The following C19orf18 variants were observed in gnomAD, a reference collection of about 807,000 sequenced individuals.
The protein encoded by C19orf18 is chromosome 19 open reading frame 18, also known as uncharacterized protein C19orf18.
C19orf18 carries 21 observed loss-of-function variants against 23.3 expected under a neutral mutation model. The ratio of observed to expected loss-of-function variants is 0.90; its 90% CI spans 0.64 to 1.30. C19orf18 has a LOEUF of 1.30. C19orf18 is among the 50% of genes most tolerant of loss of function. The probability of loss-of-function intolerance (pLI) is 0.00; values close to 1 mark genes in which losing one functional copy is unlikely to be tolerated. For missense variants in C19orf18, 249 were observed against 259.6 expected (o/e 0.96, Z 0.28); for synonymous variants, 96 against 95.2 (o/e 1.01, Z -0.05).
At chr19:57,963,351 T>C (rs1209710526) in intron 4 of C19orf18, among the ~76,000 whole-genome samples, 1 of 151,500 alleles carries the variant, frequency 6.6e-6, no homozygotes, top group Non-Finnish European at 1.5e-5. Flanking sequence ...TTTTTAAAAA[T>C]TGAAATGAAG....
intron 5 of C19orf18, among the ~76,000 whole-genome samples, chr19:57,960,262 TAAAAATACA>T (rs895713095): frequency 1.9e-4 from 29 of 150,682 alleles, no homozygotes; most frequent in African/African-American, 6.6e-4. Flanking sequence ...CCGTCTCTAC[TAAAAATACA>T]AAAAGTTAGC....
At position 57,968,975 on chromosome 19, in the gene C19orf18, C is replaced by T. The variant is rs144460908; in HGVS notation, c.269-2343G>A. 8.5e-3 allele frequency among the ~76,000 whole-genome samples: 1,291 copies of T among 152,250 alleles called. 16 individuals carry two copies. Among genetic ancestry groups the T allele is most frequent in the African/African-American group, 0.029 (1,195 of 41,530 alleles). Reference sequence around the variant, plus strand: ...CAAATACTGGACAACTAGAAACCATCCCTATGATTTACCAAAACTATTCAA... The same window carrying T: ...CAAATACTGGACAACTAGAAACCATTCCTATGATTTACCAAAACTATTCAA... On this transcript the variant is annotated intron_variant, in intron 3 of 5. Coordinates refer to ENST00000314391, the MANE Select transcript of C19orf18 (RefSeq NM_152474.5).
chr19:57,969,581 A>AAAAAAAAAAAAAAAAC (rs2072931370), intron 3 of C19orf18, among the ~76,000 whole-genome samples: 3 of 148,012 alleles, frequency 2.0e-5, no homozygotes, highest in Non-Finnish European at 3.0e-5. Context: ...AAAAAAAAAA[A>AAAAAAAAAAAAAAAAC]AAAAAAAAAA....
At chr19:57,967,541 T>C (rs553742606) in intron 3 of C19orf18, among the ~76,000 whole-genome samples, 1 of 151,402 alleles carries the variant, frequency 6.6e-6, no homozygotes, top group East Asian at 2.0e-4. Context: ...TCACGTGAGC[T>C]CAGGAGTTCA....
rs1393858191 is a variant in C19orf18, at chr19:57,972,506, TA to T, written c.227-3del. On this transcript the variant is annotated splice_polypyrimidine_tract_variant and splice_region_variant and intron_variant, in intron 2 of 5. Coordinates refer to ENST00000314391, the MANE Select transcript of C19orf18 (RefSeq NM_152474.5). The stretch of plus-strand genomic sequence containing the variant: ...TCATGGGGTTCGTAGGGGATGCAGC[TA>T]AAAGGCCATCAAAGGGGATCAAAAA... The T allele has an allele frequency of 6.2e-7, 1 of 1,614,046 alleles. No homozygotes were observed.
At chr19:57,965,110 C>CTTTTT (rs2072899714) in intron 4 of C19orf18, among the ~76,000 whole-genome samples, 4 of 105,130 alleles carry the variant, frequency 3.8e-5, no homozygotes, top group Admixed American at 2.9e-4. Context: ...GTAGCAAGTT[C>CTTTTT]TTTTTATTTT....
chr19:57,960,554 AG>A (rs1468093115), intron 5 of C19orf18, among the ~76,000 whole-genome samples: 3 of 152,114 alleles, frequency 2.0e-5, no homozygotes, highest in Non-Finnish European at 2.9e-5. Flanking sequence ...ACCCTGGGGT[AG>A]TGACCTCTAT....
intron 4 of C19orf18, among the ~76,000 whole-genome samples, chr19:57,963,746 C>T (rs993713309): frequency 4.0e-5 from 6 of 151,884 alleles, no homozygotes; most frequent in South Asian, 4.1e-4. Context: ...AAAAATTAGC[C>T]GGGCGTGGTG....
At position 57,973,951 on chromosome 19, in the gene C19orf18, G is replaced by A; in HGVS notation, c.226+148C>T. ...AGTTAACAGAGAGTGAAGAGCATAAGATCTAATTTCCAAGCAAATGTTTAT... is the reference window on the plus strand; with the variant it reads ...AGTTAACAGAGAGTGAAGAGCATAAAATCTAATTTCCAAGCAAATGTTTAT... On this transcript the variant is annotated intron_variant, in intron 2 of 5. Transcript: ENST00000314391. 9.5e-6 allele frequency: 7 copies of A among 736,702 alleles called. No homozygotes were observed. The South Asian group carries it at 1.3e-4, about 14-fold the overall frequency. The allele number at this position is 736,702 out of a possible 1,614,324, so 45.6% of individuals were successfully genotyped here.
intron 3 of C19orf18, among the ~76,000 whole-genome samples, chr19:57,968,967 G>A (rs1162601154): frequency 6.6e-6 from 1 of 152,070 alleles, no homozygotes; most frequent in Non-Finnish European, 1.5e-5. Flanking sequence ...TGGACAACTA[G>A]AAACCATCCC....
intron 3 of C19orf18, 127 bp from the exon 4 acceptor site, chr19:57,966,759 TTTTG>T: frequency 1.7e-6 from 1 of 602,658 alleles, no homozygotes; most frequent in South Asian, 2.0e-5. Context: ...AAATAGCTTG[TTTTG>T]TTTTTTTTTG....
At chr19:57,960,202 G>A (rs2072857272) in intron 5 of C19orf18, among the ~76,000 whole-genome samples, 1 of 151,894 alleles carries the variant, frequency 6.6e-6, no homozygotes, top group Non-Finnish European at 1.5e-5. Context: ...TGAGGTGGGT[G>A]GATTACAAGG....
At chr19:57,960,299 G>A (rs1000953531) in intron 5 of C19orf18, among the ~76,000 whole-genome samples, 4 of 151,230 alleles carry the variant, frequency 2.6e-5, no homozygotes, top group African/African-American at 9.7e-5. Context: ...GGTGGCGGGT[G>A]CCTATAGTCC....
At chr19:57,964,566 G>A (rs1600205620) in intron 4 of C19orf18, among the ~76,000 whole-genome samples, 1 of 152,324 alleles carries the variant, frequency 6.6e-6, no homozygotes, top group East Asian at 1.9e-4. Flanking sequence ...ACAAGTGTGA[G>A]CCAATGCCCC....
At chr19:57,971,655 G>C (rs189371044) in intron 3 of C19orf18, among the ~76,000 whole-genome samples, 11 of 152,212 alleles carry the variant, frequency 7.2e-5, no homozygotes, top group African/African-American at 2.4e-4. Context: ...ATTTTTAGTA[G>C]AGATGGGGTT....
At position 57,959,752 on chromosome 19, in the gene C19orf18, A is replaced by G. The variant is rs1159918874; in HGVS notation, c.533-1035T>C. Among the ~76,000 whole-genome samples the G allele has an allele frequency of 6.1e-5, 9 of 148,570 alleles. No individual in the cohort carries two copies. The South Asian group carries it at 1.9e-3, about 32-fold the overall frequency. On this transcript the variant is annotated intron_variant, in intron 5 of 5. Coordinates refer to ENST00000314391, the MANE Select transcript of C19orf18 (RefSeq NM_152474.5). Reference sequence around the variant, plus strand: ...TGGGGCTTCAGTGAGCTGATATTGCACCACTGCACTCCAGCCTGGGTGACG... The same window carrying G: ...TGGGGCTTCAGTGAGCTGATATTGCGCCACTGCACTCCAGCCTGGGTGACG...
At chr19:57,966,969 G>T (rs538736203) in intron 3 of C19orf18, among the ~76,000 whole-genome samples, 2 of 151,850 alleles carry the variant, frequency 1.3e-5, no homozygotes, top group East Asian at 3.9e-4. Flanking sequence ...ATGGGATTTT[G>T]CCACGTTGCT....
chr19:57,965,737 G>A (rs550762471), intron 4 of C19orf18, among the ~76,000 whole-genome samples: 22 of 152,000 alleles, frequency 1.4e-4, no homozygotes, highest in African/African-American at 4.3e-4. Flanking sequence ...CAACAAGAGC[G>A]AAACTCCGTC....
chr19:57,966,395 A>G, intron 4 of C19orf18, 135 bp downstream of exon 4: 1 of 596,084 alleles, frequency 1.7e-6, no homozygotes, highest in South Asian at 2.5e-5. Flanking sequence ...GAAAAACACT[A>G]ATCTGGAAAT....
Sources: allele counts gnomAD v4.1 joint callset (sites outside exome capture counted in the v4.1 genomes callset), GRCh38; gene constraint gnomAD v4.1.1; transcripts MANE v1.5; gene names NCBI Gene and HGNC (gene_info 2026-07-23, HGNC 2026-07-21).